The following ARHGAP29 variants were observed in gnomAD, a reference collection of about 807,000 sequenced individuals.
ARHGAP29 encodes Rho GTPase activating protein 29, also known as rho GTPase-activating protein 29.
ARHGAP29 carries 43 observed loss-of-function variants against 122.6 expected under a neutral mutation model. The ratio of observed to expected loss-of-function variants is 0.35; its 90% CI spans 0.27 to 0.45. The LOEUF (loss-of-function observed/expected upper bound fraction) is 0.45. Ranked by LOEUF, ARHGAP29 falls within the 20% of genes least tolerant of loss-of-function variation. ARHGAP29 has a pLI of 1.00. For missense variants in ARHGAP29, 1,303 were observed against 1,477.2 expected (o/e 0.88, Z 1.93); for synonymous variants, 506 against 497.1 (o/e 1.02, Z -0.24).
intron 16 of ARHGAP29, 66 bp from the exon 17 acceptor site, chr1:94,185,547 T>C: frequency 1.5e-6 from 2 of 1,350,396 alleles, no homozygotes; most frequent in Non-Finnish European, 2.0e-6. Flanking sequence ...TGATATCATA[T>C]TTTGAATAAT....
intron 2 of ARHGAP29, among the ~76,000 whole-genome samples, chr1:94,225,959 C>T (rs1356325785): frequency 1.3e-5 from 2 of 151,946 alleles, no homozygotes; most frequent in Admixed American, 6.6e-5. Flanking sequence ...CTTCATTCCA[C>T]TTATCAAGTG....
At chr1:94,283,825 A>C in the ARHGAP29 span, among the ~76,000 whole-genome samples, 17 of 152,346 alleles carry the variant, frequency 1.1e-4, no homozygotes, top group South Asian at 2.1e-3. Context: ...AAATCAGTGG[A>C]TACTATCAAA....
intron 12 of ARHGAP29, among the ~76,000 whole-genome samples, chr1:94,197,192 A>G (rs1442396604): frequency 6.6e-6 from 1 of 152,096 alleles, no homozygotes; most frequent in East Asian, 1.9e-4. Context: ...GGTTATTACT[A>G]CAGCCCACTG....
Position 94,201,613 on chromosome 1 carries a change from T to TCCC in ARHGAP29, c.1281+106_1281+107insGGG, listed in dbSNP as rs1001361172. 5.1e-6 allele frequency: 7 copies of TCCC among 1,380,540 alleles called. No individual in the cohort carries two copies. In the African/African-American group the frequency reaches 1.0e-4, roughly 20 times the overall value. The allele number at this position is 1,380,540 out of a possible 1,614,324, so 85.5% of individuals were successfully genotyped here. A position where few individuals can be genotyped will look rare whatever the true frequency, so the allele number is the denominator to read the frequency against. On this transcript the variant is annotated intron_variant, in intron 12 of 22. Coordinates refer to ENST00000260526, the MANE Select transcript of ARHGAP29 (RefSeq NM_004815.4). ...ACCTCAAACTTTTGGGCTCAAGTGA[T>TCCC]CCTCCCACCTCAGCCTCCCAAAGTG...
At chr1:94,241,249 A>T (rs1271087480), upstream of ARHGAP29, among the ~76,000 whole-genome samples, 1 of 152,226 alleles carries the variant, frequency 6.6e-6, no homozygotes, top group East Asian at 1.9e-4. Flanking sequence ...TTATAGCATA[A>T]ACGTGATTTC....
At chr1:94,182,429 G>T (rs1483074909) in intron 19 of ARHGAP29, among the ~76,000 whole-genome samples, 1 of 152,038 alleles carries the variant, frequency 6.6e-6, no homozygotes, top group Non-Finnish European at 1.5e-5. Flanking sequence ...AAAACTAAAG[G>T]ACTAACCAGG....
In ARHGAP29 at chr1:94,170,736, C is replaced by T. The variant is rs1163881902; in HGVS notation, c.*3133G>A. On this transcript the variant is annotated 3_prime_UTR_variant, in exon 23 of 23. Transcript: ENST00000260526. ...CTTTACACGACTGAGTCTTCTAATT[C>T]GTGTACATTATGGAGTACTACATTT... Among the ~76,000 whole-genome samples, 6 of 152,192 alleles carry T rather than the reference C, an allele frequency of 3.9e-5. No homozygotes were observed. The highest frequency in any genetic ancestry group is 1.4e-4 in the African/African-American group (6 of 41,464).
At chr1:94,275,986 G>T (rs1270077566), upstream of ARHGAP29, among the ~76,000 whole-genome samples, 1 of 152,072 alleles carries the variant, frequency 6.6e-6, no homozygotes, top group Non-Finnish European at 1.5e-5. Flanking sequence ...GGCCGGGATT[G>T]GTGGCTCATG....
chr1:94,219,548 C>T lies in ARHGAP29; in HGVS notation c.340+710G>A, dbSNP rs557713148. Among the ~76,000 whole-genome samples, 9 of 152,252 alleles carry T rather than the reference C, an allele frequency of 5.9e-5. No homozygotes were observed. The East Asian group carries it at 1.7e-3, about 29-fold the overall frequency. On this transcript the variant is annotated intron_variant, in intron 3 of 22. Transcript: ENST00000260526. ...TCTACCACTACCACACCCCAGCTTCCGCTCATTTAAGCCCTCAGCTTCAAC... is the reference window on the plus strand; with the variant it reads ...TCTACCACTACCACACCCCAGCTTCTGCTCATTTAAGCCCTCAGCTTCAAC...
At chr1:94,224,252 CAG>C (rs1307942414) in intron 2 of ARHGAP29, among the ~76,000 whole-genome samples, 1 of 152,192 alleles carries the variant, frequency 6.6e-6, no homozygotes, top group Non-Finnish European at 1.5e-5. Flanking sequence ...ATTATCATCA[CAG>C]AGAGTTACAC....
chr1:94,209,653 T>C (rs1382919194), intron 3 of ARHGAP29, among the ~76,000 whole-genome samples: 4 of 152,212 alleles, frequency 2.6e-5, no homozygotes, highest in Non-Finnish European at 5.9e-5. Context: ...ACAGAGTCCA[T>C]GTTACACCAC....
chr1:94,241,732 A>ATT (rs959156324), upstream of ARHGAP29, among the ~76,000 whole-genome samples: 4 of 130,328 alleles, frequency 3.1e-5, no homozygotes, highest in South Asian at 2.5e-4. Context: ...TATAATATAT[A>ATT]TTTATATATA....
chr1:94,278,773 A>G (rs1304441580), upstream of ARHGAP29, among the ~76,000 whole-genome samples: 1 of 152,224 alleles, frequency 6.6e-6, no homozygotes, highest in African/African-American at 2.4e-5. Context: ...CAAGCCATAT[A>G]AAATCCTGCT....
intron 1 of ARHGAP29, among the ~76,000 whole-genome samples, chr1:94,234,564 C>G (rs12069839): frequency 2.0e-5 from 3 of 152,128 alleles, no homozygotes; most frequent in Non-Finnish European, 4.4e-5. Flanking sequence ...CAAATTATTT[C>G]TGAGAATCTA....
chr1:94,284,254 A>T, the ARHGAP29 span, among the ~76,000 whole-genome samples: 1 of 152,244 alleles, frequency 6.6e-6, no homozygotes, highest in South Asian at 2.1e-4. Context: ...AGAGTTTTTA[A>T]ACTTTTAAAT....
At chr1:94,185,315 G>T in intron 17 of ARHGAP29, 27 bp downstream of exon 17, 5 of 1,545,554 alleles carry the variant, frequency 3.2e-6, no homozygotes, top group Non-Finnish European at 4.3e-6. Flanking sequence ...GCATAAAAGG[G>T]TCAACACAAT....
At chr1:94,180,487 T>C (rs1211162366) in intron 19 of ARHGAP29, among the ~76,000 whole-genome samples, 1 of 152,208 alleles carries the variant, frequency 6.6e-6, no homozygotes, top group Non-Finnish European at 1.5e-5. Flanking sequence ...ACAAAGGGCA[T>C]GCCATTTTGA....
At chr1:94,297,068 G>GGAGAGGGAA in the ARHGAP29 span, among the ~76,000 whole-genome samples, 1 of 152,162 alleles carries the variant, frequency 6.6e-6, no homozygotes, top group East Asian at 1.9e-4. Flanking sequence ...AGGATGCAGT[G>GGAGAGGGAA]GAGAGGGAAG....
At chr1:94,189,805 A>G in intron 13 of ARHGAP29, 121 bp downstream of exon 13, 1 of 906,974 alleles carries the variant, frequency 1.1e-6, no homozygotes, top group Non-Finnish European at 1.7e-6. Context: ...AATAATATTT[A>G]AAGAACTCAG....
Sources: allele counts gnomAD v4.1 joint callset (sites outside exome capture counted in the v4.1 genomes callset), GRCh38; gene constraint gnomAD v4.1.1; transcripts MANE v1.5; gene names NCBI Gene and HGNC (gene_info 2026-07-23, HGNC 2026-07-21).